PBX3: variants seen among roughly 807,000 people sequenced by gnomAD.
The protein encoded by PBX3 is PBX homeobox 3, also known as pre-B-cell leukemia transcription factor 3.
A neutral mutation model predicts 48.5 loss-of-function variants in PBX3; 14 were observed. The ratio of observed to expected loss-of-function variants is 0.29; its 90% CI spans 0.19 to 0.45. The LOEUF (loss-of-function observed/expected upper bound fraction) is 0.45. Among genes scored for constraint, PBX3 ranks in the 20% least tolerant of loss-of-function variants. The pLI is 1.00. For synonymous variants in PBX3, 210 were observed against 200.3 expected (o/e 1.05, Z -0.41); for missense variants, 386 against 546.7 (o/e 0.71, Z 2.93).
chr9:125,830,020 G>A (rs942963869), intron 2 of PBX3, among the ~76,000 whole-genome samples: 1 of 152,210 alleles, frequency 6.6e-6, no homozygotes, highest in Non-Finnish European at 1.5e-5. Context: ...TTGGGAGGCA[G>A]TGTCTCGCGT....
intron 4 of PBX3, among the ~76,000 whole-genome samples, chr9:125,932,757 G>A (rs1246567419): frequency 6.6e-6 from 1 of 152,150 alleles, no homozygotes; most frequent in African/African-American, 2.4e-5. Flanking sequence ...CAACATGCAT[G>A]CTTATTTTTT....
At chr9:125,778,282 G>A (rs1477581389) in intron 2 of PBX3, among the ~76,000 whole-genome samples, 2 of 148,122 alleles carry the variant, frequency 1.4e-5, no homozygotes, top group African/African-American at 2.5e-5. Flanking sequence ...TTTTTGAGAC[G>A]GAGTCTCACT....
At chr9:125,758,622 A>C (rs543733628) in intron 2 of PBX3, among the ~76,000 whole-genome samples, 76 of 152,308 alleles carry the variant, frequency 5.0e-4, no homozygotes, top group African/African-American at 1.8e-3. Flanking sequence ...GTTAGAATTG[A>C]TGGCCAAGCT....
At chr9:125,781,545 G>T in intron 2 of PBX3, among the ~76,000 whole-genome samples, 1 of 138,084 alleles carries the variant, frequency 7.2e-6, no homozygotes, top group Non-Finnish European at 1.6e-5. Flanking sequence ...AGGGAGAGGG[G>T]AGAGGGGAGA....
intron 3 of PBX3, among the ~76,000 whole-genome samples, chr9:125,922,298 G>C (rs10739664): frequency 0.75 from 113,324 of 152,074 alleles, 42,562 homozygotes; most frequent in African/African-American, 0.82. Flanking sequence ...ATTGAAAATG[G>C]TTTTAACAGA....
At chr9:125,855,017 G>A (rs776155504) in intron 2 of PBX3, among the ~76,000 whole-genome samples, 27 of 152,168 alleles carry the variant, frequency 1.8e-4, no homozygotes, top group Admixed American at 3.9e-4. Flanking sequence ...GATTGTATCA[G>A]CATGAGATGA....
At chr9:125,757,610 C>T (rs1449830805) in intron 2 of PBX3, among the ~76,000 whole-genome samples, 1 of 152,102 alleles carries the variant, frequency 6.6e-6, no homozygotes, top group Non-Finnish European at 1.5e-5. Flanking sequence ...GATTAACTGT[C>T]AGTACTGGTA....
chr9:125,811,674 C>CT (rs1267763024), intron 2 of PBX3, among the ~76,000 whole-genome samples: 1 of 152,176 alleles, frequency 6.6e-6, no homozygotes, highest in African/African-American at 2.4e-5. Flanking sequence ...TGAGAATGGA[C>CT]TAATACAGGC....
chr9:125,923,673 C>T (rs940479895), intron 3 of PBX3, among the ~76,000 whole-genome samples: 1 of 152,098 alleles, frequency 6.6e-6, no homozygotes, highest in African/African-American at 2.4e-5. Context: ...TCAAGTGATT[C>T]TCCTACCTCA....
chr9:125,859,865 T>C (rs1839816626), intron 2 of PBX3, among the ~76,000 whole-genome samples: 2 of 152,190 alleles, frequency 1.3e-5, no homozygotes, highest in African/African-American at 4.8e-5. Flanking sequence ...TCAGTAAAGA[T>C]AGGGTTGGTG....
intron 3 of PBX3, among the ~76,000 whole-genome samples, chr9:125,923,903 C>T (rs1044752996): frequency 3.9e-5 from 6 of 152,056 alleles, no homozygotes; most frequent in Non-Finnish European, 4.4e-5. Context: ...CTCACTCTGT[C>T]GCTCAGGCTA....
At chr9:125,829,019 T>A (rs1227141601) in intron 2 of PBX3, among the ~76,000 whole-genome samples, 1 of 151,912 alleles carries the variant, frequency 6.6e-6, no homozygotes, top group Non-Finnish European at 1.5e-5. Flanking sequence ...GAGCTGGGAG[T>A]CTGGTATTGA....
At chr9:125,761,756 A>G (rs1342982585) in intron 2 of PBX3, among the ~76,000 whole-genome samples, 1 of 152,166 alleles carries the variant, frequency 6.6e-6, no homozygotes, top group African/African-American at 2.4e-5. Flanking sequence ...TTAAATTTCC[A>G]TCACATTTTT....
intron 2 of PBX3, among the ~76,000 whole-genome samples, chr9:125,876,071 CAT>C (rs755479414): frequency 2.0e-4 from 31 of 152,174 alleles, no homozygotes; most frequent in Non-Finnish European, 4.0e-4. Context: ...AAAAATTCCT[CAT>C]ATCATTTTCT....
chr9:125,834,649 C>A (rs1264510173), intron 2 of PBX3, among the ~76,000 whole-genome samples: 2 of 151,540 alleles, frequency 1.3e-5, no homozygotes, highest in East Asian at 3.9e-4. Flanking sequence ...CCGCCCACCT[C>A]TGCCTCCCAA....
intron 2 of PBX3, among the ~76,000 whole-genome samples, chr9:125,915,398 T>A (rs1841303531): frequency 1.3e-5 from 2 of 152,142 alleles, no homozygotes; most frequent in Non-Finnish European, 1.5e-5. Context: ...CTTGAATGAT[T>A]AAAATATTCC....
intron 2 of PBX3, among the ~76,000 whole-genome samples, chr9:125,875,944 AT>A (rs1033678404): frequency 6.6e-6 from 1 of 152,200 alleles, no homozygotes; most frequent in Non-Finnish European, 1.5e-5. Context: ...CAGTTTCAAG[AT>A]TCAGAGAAGG....
intron 5 of PBX3, among the ~76,000 whole-genome samples, chr9:125,938,009 G>T (rs1182733521): frequency 6.6e-6 from 1 of 152,114 alleles, no homozygotes; most frequent in African/African-American, 2.4e-5. Context: ...AAATCATACT[G>T]AAATACAATT....
chr9:125,927,400 A>G (rs1841601514), intron 3 of PBX3, among the ~76,000 whole-genome samples: 1 of 152,242 alleles, frequency 6.6e-6, no homozygotes, highest in Non-Finnish European at 1.5e-5. Context: ...AAAGCTCTAT[A>G]AAATTTTAGA....
Sources: gnomAD v4.1 joint callset for allele counts (sites outside exome capture counted in the v4.1 genomes callset) on GRCh38, gnomAD v4.1.1 for gene constraint, MANE v1.5 for transcripts, NCBI Gene and HGNC (gene_info 2026-07-23, HGNC 2026-07-21) for gene names.